SEMA3A: variants seen among roughly 807,000 people sequenced by gnomAD.
SEMA3A encodes semaphorin-3A.
SEMA3A carries 29 observed loss-of-function variants against 97.9 expected under a neutral mutation model. The ratio of observed to expected loss-of-function variants is 0.30; its 90% CI spans 0.22 to 0.40. SEMA3A has a LOEUF of 0.40. Ranked by LOEUF, SEMA3A falls within the 10% of genes least tolerant of loss-of-function variation. The probability of loss-of-function intolerance (pLI) is 1.00; values close to 1 mark genes in which losing one functional copy is unlikely to be tolerated. For synonymous variants in SEMA3A, 321 were observed against 323.7 expected (o/e 0.99, Z 0.09); for missense variants, 763 against 951.3 (o/e 0.80, Z 2.60).
At chr7:84,015,511 C>T (rs557643052) in intron 6 of SEMA3A, among the ~76,000 whole-genome samples, 5 of 152,076 alleles carry the variant, frequency 3.3e-5, no homozygotes, top group Admixed American at 1.3e-4. Flanking sequence ...CTATGTGCAA[C>T]GAAGCTAAGT....
intron 1 of SEMA3A, among the ~76,000 whole-genome samples, chr7:84,450,148 G>C (rs1461724137): frequency 6.6e-6 from 1 of 151,952 alleles, no homozygotes; most frequent in Non-Finnish European, 1.5e-5. Flanking sequence ...ATTTTTTTGG[G>C]AAACCTCCAT....
intron 3 of SEMA3A, among the ~76,000 whole-genome samples, chr7:84,270,261 C>G (rs939256475): frequency 6.6e-6 from 1 of 151,938 alleles, no homozygotes; most frequent in Non-Finnish European, 1.5e-5. Flanking sequence ...AAAATAAAAA[C>G]TGAAACATCT....
At chr7:84,377,243 C>T (rs1164592165) in intron 1 of SEMA3A, among the ~76,000 whole-genome samples, 2 of 146,506 alleles carry the variant, frequency 1.4e-5, no homozygotes, top group Non-Finnish European at 2.9e-5. Flanking sequence ...TTGTGGATAT[C>T]TATTTTTCCT....
chr7:84,298,760 A>G (rs1800926783), intron 3 of SEMA3A, among the ~76,000 whole-genome samples: 1 of 152,170 alleles, frequency 6.6e-6, no homozygotes, highest in African/African-American at 2.4e-5. Context: ...AATGCAAAGT[A>G]TTGTTCCTGG....
intron 3 of SEMA3A, among the ~76,000 whole-genome samples, chr7:84,278,987 A>T (rs1033676974): frequency 1.3e-5 from 2 of 152,162 alleles, no homozygotes; most frequent in African/African-American, 4.8e-5. Flanking sequence ...TACTCTAAAT[A>T]AAATAGGTGT....
chr7:84,247,102 G>A (rs548478535), intron 3 of SEMA3A, among the ~76,000 whole-genome samples: 24 of 152,166 alleles, frequency 1.6e-4, no homozygotes, highest in Non-Finnish European at 2.9e-4. Context: ...ATTTGTGGCA[G>A]TAAAACAAAC....
chr7:83,981,036 T>C (rs1469109769), intron 14 of SEMA3A, among the ~76,000 whole-genome samples: 1 of 152,172 alleles, frequency 6.6e-6, no homozygotes, highest in Non-Finnish European at 1.5e-5. Context: ...AGAATGTTGC[T>C]GGATAGAAAT....
intron 3 of SEMA3A, among the ~76,000 whole-genome samples, chr7:84,123,116 A>G (rs1332730908): frequency 1.3e-5 from 2 of 152,156 alleles, no homozygotes; most frequent in Non-Finnish European, 2.9e-5. Context: ...TAAACAAAGA[A>G]GATTCAGAGA....
intron 4 of SEMA3A, among the ~76,000 whole-genome samples, chr7:84,091,684 G>T (rs1361259369): frequency 6.6e-6 from 1 of 152,084 alleles, no homozygotes; most frequent in Non-Finnish European, 1.5e-5. Context: ...TTCAGTCAGG[G>T]TTAGAGAAAA....
intron 4 of SEMA3A, among the ~76,000 whole-genome samples, chr7:84,094,604 A>G (rs1435702033): frequency 6.6e-6 from 1 of 152,102 alleles, no homozygotes; most frequent in African/African-American, 2.4e-5. Flanking sequence ...TATGGCATTC[A>G]AAATCTTAGA....
chr7:84,078,845 A>C (rs1794046717), intron 4 of SEMA3A, among the ~76,000 whole-genome samples: 1 of 152,008 alleles, frequency 6.6e-6, no homozygotes, highest in Non-Finnish European at 1.5e-5. Context: ...TTTATGTCTA[A>C]ATTAAGTGTT....
At chr7:84,117,572 C>T (rs531082087) in intron 3 of SEMA3A, among the ~76,000 whole-genome samples, 89 of 152,238 alleles carry the variant, frequency 5.8e-4, no homozygotes, top group African/African-American at 1.2e-3. Context: ...ATTAGATTCT[C>T]GTAGGAGCGT....
chr7:84,463,288 A>G (rs867403197), intron 1 of SEMA3A, among the ~76,000 whole-genome samples: 17 of 120,040 alleles, frequency 1.4e-4, no homozygotes, highest in South Asian at 5.0e-4. Flanking sequence ...TTGCTCTGTC[A>G]CACAGGCTGG....
intron 2 of SEMA3A, among the ~76,000 whole-genome samples, chr7:84,131,276 T>C (rs940974976): frequency 4.3e-4 from 66 of 152,238 alleles, no homozygotes; most frequent in African/African-American, 1.5e-3. Context: ...AAAGAGTAAT[T>C]ACTAATGTTT....
At chr7:83,970,018 C>T (rs1239761927) in intron 15 of SEMA3A, among the ~76,000 whole-genome samples, 1 of 152,072 alleles carries the variant, frequency 6.6e-6, no homozygotes, top group African/African-American at 2.4e-5. Flanking sequence ...ATGAAAATTG[C>T]GAGTAGAAAA....
intron 4 of SEMA3A, among the ~76,000 whole-genome samples, chr7:84,085,387 G>T (rs1036252764): frequency 6.6e-6 from 1 of 151,584 alleles, no homozygotes; most frequent in Non-Finnish European, 1.5e-5. Context: ...TAAAATCGTA[G>T]ACACTATTCT....
At chr7:84,158,774 C>A (rs2116155394) in intron 1 of SEMA3A, among the ~76,000 whole-genome samples, 1 of 152,226 alleles carries the variant, frequency 6.6e-6, no homozygotes, top group South Asian at 2.1e-4. Flanking sequence ...GCTAATAATT[C>A]TTACATTGAC....
intron 6 of SEMA3A, among the ~76,000 whole-genome samples, chr7:84,041,756 C>CT (rs1281761988): frequency 6.6e-6 from 1 of 152,078 alleles, no homozygotes; most frequent in Non-Finnish European, 1.5e-5. Context: ...CTCAGCTTCT[C>CT]TAACACTCAT....
chr7:84,014,165 A>T, intron 7 of SEMA3A, 44 bp downstream of exon 7: 2 of 1,565,864 alleles, frequency 1.3e-6, no homozygotes, highest in Non-Finnish European at 1.7e-6. Flanking sequence ...CAAAGCTGTT[A>T]TGGGAAAATG....
Sources: allele counts gnomAD v4.1 joint callset (sites outside exome capture counted in the v4.1 genomes callset), GRCh38; gene constraint gnomAD v4.1.1; transcripts MANE v1.5; gene names NCBI Gene and HGNC (gene_info 2026-07-23, HGNC 2026-07-21).